The following CDCA7 variants were observed in gnomAD, a reference collection of about 807,000 sequenced individuals.
The protein encoded by CDCA7 is cell division cycle associated 7, also known as cell division cycle-associated protein 7.
Under a neutral mutation model 54.0 loss-of-function variants are expected in CDCA7, and 28 were observed. That is an observed-to-expected ratio of 0.52 (90% CI 0.38 to 0.71). The LOEUF (loss-of-function observed/expected upper bound fraction) is 0.71, where lower values mean the gene tolerates loss of function less well. CDCA7 is among the 30% of genes least tolerant of loss of function. The probability of loss-of-function intolerance (pLI) is 0.00; values close to 1 mark genes in which losing one functional copy is unlikely to be tolerated. For synonymous variants in CDCA7, 180 were observed against 208.2 expected, an observed-to-expected ratio of 0.86 and a Z score of 1.16; for missense variants, 484 against 586.0, an observed-to-expected ratio of 0.83 and a Z score of 1.80.
intron 1 of CDCA7, chr2:173,356,197 A>C (rs1365587837): frequency 6.6e-6 from 1 of 152,158 alleles, no homozygotes; most frequent in East Asian, 1.9e-4. Context: ...CGTCTTGACT[A>C]TTTGCCTTGC....
intron 2 of CDCA7, 110 bp downstream of exon 2, chr2:173,358,947 C>T (rs11675433): frequency 0.37 from 518,011 of 1,386,308 alleles, 102,879 homozygotes; most frequent in Non-Finnish European, 0.41. Context: ...TCTATACAGC[C>T]GTTATGAAAA....
chr2:173,359,208 G>A, intron 2 of CDCA7, 47 bp from the exon 3 acceptor site: 1 of 1,541,588 alleles, frequency 6.5e-7, no homozygotes, highest in South Asian at 1.2e-5. Context: ...ATTGGTTCTT[G>A]AAAAAGAAAA....
At chr2:173,359,903 C>T (rs1686587799) in intron 3 of CDCA7, among the ~76,000 whole-genome samples, 1 of 152,160 alleles carries the variant, frequency 6.6e-6, no homozygotes, top group African/African-American at 2.4e-5. Context: ...ATCTTGAAAA[C>T]CTGTGATAAC....
At chr2:173,364,002 A>G (rs1464792709) in intron 5 of CDCA7, 107 bp downstream of exon 5, 36 of 1,053,732 alleles carry the variant, frequency 3.4e-5, no homozygotes, top group Non-Finnish European at 4.7e-5. Context: ...CCTTCTAGAC[A>G]AACGAAGGGG....
At chr2:173,365,661 C>A in intron 7 of CDCA7, 69 bp downstream of exon 7, 2 of 1,542,922 alleles carry the variant, frequency 1.3e-6, no homozygotes, top group Non-Finnish European at 1.8e-6. Flanking sequence ...TGTCCCTAAG[C>A]GTTGCCCAGG....
intron 1 of CDCA7, among the ~76,000 whole-genome samples, chr2:173,357,139 A>G (rs2106387217): frequency 6.6e-6 from 1 of 152,348 alleles, no homozygotes; most frequent in South Asian, 2.1e-4. Flanking sequence ...ATAAAAACAC[A>G]GGACCTAATG....
chr2:173,367,113 T>C (rs1686738640), intron 8 of CDCA7, 37 bp from the exon 9 acceptor site: 3 of 1,543,022 alleles, frequency 1.9e-6, no homozygotes, highest in South Asian at 1.3e-5. Context: ...GGAGGTAAGG[T>C]TTAACTTAAT....
chr2:173,365,011 T>G (rs1686693529), intron 6 of CDCA7, 22 bp downstream of exon 6: 1 of 1,544,390 alleles, frequency 6.5e-7, no homozygotes, highest in Non-Finnish European at 8.7e-7. Flanking sequence ...GCATTGGTAC[T>G]TGCTCTTCTG....
rs532218853 is a variant in CDCA7, at chr2:173,365,380, G to C, written c.895-72G>C. On this transcript the variant is annotated intron_variant, in intron 6 of 9. Coordinates refer to ENST00000306721, the MANE Select transcript of CDCA7 (RefSeq NM_031942.5). ...ATCTCTGTGTTTCATATTTGAATCT[G>C]TTTTTTCAGTTTTGAATCTCTTTCA... is the stretch of plus-strand genomic sequence containing the variant. 1.3e-4 allele frequency: 199 copies of C among 1,505,154 alleles called. 3 individuals carry two copies. In the South Asian group the frequency reaches 2.3e-3, roughly 18 times the overall value. The allele number at this position is 1,505,154 out of a possible 1,614,324, so 93.2% of individuals were successfully genotyped here.
In CDCA7 at chr2:173,359,434, C is replaced by T. The variant is rs375030478; in HGVS notation, c.327C>T (p.Ala109=). The change falls in exon 3 of 10, where the codon GCC becomes GCT. Residue 109 remains alanine, a synonymous_variant. Coordinates refer to ENST00000306721, the MANE Select transcript of CDCA7 (RefSeq NM_031942.5). ...VTNELAGIFH[A]DSDDESFCGF... ...ACGAACTGGCCGGTATTTTTCATGC[C>T]GACTCTGACGATGAATCATTTTGCG... is the stretch of plus-strand genomic sequence containing the variant. The T allele has an allele frequency of 7.7e-5, 124 of 1,614,020 alleles. No homozygotes were observed. The highest frequency in any genetic ancestry group is 6.1e-5 in the Non-Finnish European group (72 of 1,179,998).
At chr2:173,357,710 G>A (rs2106387554) in intron 1 of CDCA7, among the ~76,000 whole-genome samples, 1 of 152,184 alleles carries the variant, frequency 6.6e-6, no homozygotes, top group Non-Finnish European at 1.5e-5. Context: ...CCTTTTAGAA[G>A]TACAGTTTAA....
chr2:173,360,513 C>G (rs898294082), intron 3 of CDCA7, among the ~76,000 whole-genome samples: 5 of 152,188 alleles, frequency 3.3e-5, no homozygotes, highest in Non-Finnish European at 5.9e-5. Context: ...GGGTCTTGCA[C>G]TGTCAACCAG....
At chr2:173,359,674 C>T (rs1686584073) in intron 3 of CDCA7, among the ~76,000 whole-genome samples, 183 bp downstream of exon 3, 1 of 152,154 alleles carries the variant, frequency 6.6e-6, no homozygotes, top group Non-Finnish European at 1.5e-5. Flanking sequence ...GTCGGACTTA[C>T]AAATCATGAA....
chr2:173,357,414 G>C (rs961369841), intron 1 of CDCA7, among the ~76,000 whole-genome samples: 2 of 152,220 alleles, frequency 1.3e-5, no homozygotes, highest in African/African-American at 4.8e-5. Context: ...TATCCCACCT[G>C]CATTTGGAGT....
chr2:173,357,837 T>C (rs1300836302), intron 1 of CDCA7, among the ~76,000 whole-genome samples: 1 of 152,146 alleles, frequency 6.6e-6, no homozygotes, highest in Non-Finnish European at 1.5e-5. Context: ...GAGAGGTAGC[T>C]CTACAGATGT....
chr2:173,357,326 T>G (rs574888587), intron 1 of CDCA7, among the ~76,000 whole-genome samples: 3 of 151,500 alleles, frequency 2.0e-5, no homozygotes, highest in East Asian at 3.9e-4. Flanking sequence ...TTTAAAAACT[T>G]AAGTCTTGTA....
intron 1 of CDCA7, among the ~76,000 whole-genome samples, chr2:173,357,825 T>C (rs769804751): frequency 2.0e-5 from 3 of 152,160 alleles, no homozygotes; most frequent in African/African-American, 7.2e-5. Context: ...TAAAGGTGGG[T>C]TGAGAGGTAG....
intron 1 of CDCA7, among the ~76,000 whole-genome samples, chr2:173,355,411 C>T (rs1042892894): frequency 2.6e-5 from 4 of 152,232 alleles, no homozygotes; most frequent in African/African-American, 9.6e-5. Context: ...CGTGGCTCGC[C>T]GCGTCTATAC....
In CDCA7 at chr2:173,354,908, G is replaced by A; in HGVS notation, c.-56G>A. The A allele has an allele frequency of 1.4e-6, 2 of 1,390,078 alleles. No individual in the cohort carries two copies. Among genetic ancestry groups the A allele is most frequent in the African/African-American group, 1.5e-5 (1 of 64,660 alleles). 86.1% of individuals were successfully genotyped at this position (1,390,078 alleles called of 1,614,324 possible). A position where few individuals can be genotyped will look rare whatever the true frequency, so the allele number is the denominator to read the frequency against. On this transcript the variant is annotated 5_prime_UTR_variant, in exon 1 of 10. Transcript: ENST00000306721. ...TCCTCCTGCTGTGGGACCGCTGACCGCGCGGCTGCTCCGCTCTCCCCGCTC... is the reference window on the plus strand; with the variant it reads ...TCCTCCTGCTGTGGGACCGCTGACCACGCGGCTGCTCCGCTCTCCCCGCTC...
Sources: allele counts gnomAD v4.1 joint callset (sites outside exome capture counted in the v4.1 genomes callset), GRCh38; gene constraint gnomAD v4.1.1; transcripts MANE v1.5; gene names NCBI Gene and HGNC (gene_info 2026-07-23, HGNC 2026-07-21).